CDH18: variants seen among roughly 807,000 people sequenced by gnomAD.
CDH18 encodes the protein cadherin 18, also known as cadherin-18.
Under a neutral mutation model 67.9 loss-of-function variants are expected in CDH18, and 31 were observed. That is an observed-to-expected ratio of 0.46 (90% CI 0.34 to 0.62). The LOEUF (loss-of-function observed/expected upper bound fraction) is 0.62, where lower values mean the gene tolerates loss of function less well. CDH18 is among the 20% of genes least tolerant of loss of function. The probability of loss-of-function intolerance (pLI) is 0.01; values close to 1 mark genes in which losing one functional copy is unlikely to be tolerated. For missense variants in CDH18, 890 were observed against 975.5 expected, an observed-to-expected ratio of 0.91 and a Z score of 1.17; for synonymous variants, 362 against 347.2, an observed-to-expected ratio of 1.04 and a Z score of -0.48.
intron 2 of CDH18, among the ~76,000 whole-genome samples, chr5:19,954,293 C>G (rs916083155): frequency 6.6e-5 from 10 of 151,940 alleles, no homozygotes; most frequent in Non-Finnish European, 7.4e-5. Flanking sequence ...AAAACAGTAT[C>G]AAACTGTTTT....
At chr5:19,692,182 C>A (rs1049380869) in intron 5 of CDH18, among the ~76,000 whole-genome samples, 3 of 151,980 alleles carry the variant, frequency 2.0e-5, no homozygotes, top group African/African-American at 7.2e-5. Context: ...TATCCATATG[C>A]AGAAGAATGA....
At chr5:20,519,942 CTTTTTTTTTTTTTTTTT>C (rs777265512) in intron 1 of CDH18, among the ~76,000 whole-genome samples, 33 of 41,678 alleles carry the variant, frequency 7.9e-4, no homozygotes, top group East Asian at 5.0e-3. Context: ...ACAGTCTTGG[CTTTTTTTTTTTTTTTTT>C]TTTTTTTTTT....
chr5:19,928,828 C>T (rs1055719530), intron 2 of CDH18, among the ~76,000 whole-genome samples: 10 of 152,104 alleles, frequency 6.6e-5, no homozygotes, highest in Admixed American at 4.6e-4. Flanking sequence ...AAGCTCTTCA[C>T]ATATGTTATC....
chr5:20,099,724 T>C (rs1746293912), intron 2 of CDH18, among the ~76,000 whole-genome samples: 1 of 152,126 alleles, frequency 6.6e-6, no homozygotes, highest in African/African-American at 2.4e-5. Flanking sequence ...ATTGACTGAG[T>C]GTGTCTATTA....
chr5:20,440,721 G>T (rs1749542416), intron 1 of CDH18, among the ~76,000 whole-genome samples: 1 of 151,904 alleles, frequency 6.6e-6, no homozygotes, highest in African/African-American at 2.4e-5. Context: ...AAAGTATGTT[G>T]TTGTTGGAAA....
intron 2 of CDH18, among the ~76,000 whole-genome samples, chr5:20,201,711 G>A (rs1414547435): frequency 6.6e-6 from 1 of 152,092 alleles, no homozygotes; most frequent in African/African-American, 2.4e-5. Flanking sequence ...AATCTGTTAA[G>A]CAAGTAAGAT....
At chr5:20,228,883 C>A (rs1266131192) in intron 2 of CDH18, among the ~76,000 whole-genome samples, 1 of 152,068 alleles carries the variant, frequency 6.6e-6, no homozygotes, top group Non-Finnish European at 1.5e-5. Flanking sequence ...ATATCCTCTT[C>A]TTGACAGCAA....
chr5:19,567,019 C>T (rs982710029), intron 8 of CDH18, among the ~76,000 whole-genome samples: 1 of 151,888 alleles, frequency 6.6e-6, no homozygotes, highest in African/African-American at 2.4e-5. Flanking sequence ...TATGTAGGAG[C>T]TAAAATTAGA....
intron 8 of CDH18, 110 bp downstream of exon 8, chr5:19,571,469 T>C (rs1741373099): frequency 1.2e-5 from 12 of 1,000,676 alleles, no homozygotes; most frequent in Non-Finnish European, 1.6e-5. Flanking sequence ...ATTATATTCG[T>C]AGAAAACAAC....
chr5:19,835,888 G>A (rs897130405), intron 3 of CDH18, among the ~76,000 whole-genome samples: 1 of 152,080 alleles, frequency 6.6e-6, no homozygotes, highest in Admixed American at 6.6e-5. Flanking sequence ...TCACAGAACC[G>A]CCACAAACCT....
chr5:19,811,195 G>A lies in CDH18; in HGVS notation c.228+27564C>T, dbSNP rs566289550. Among the ~76,000 whole-genome samples, 8 of 126,190 alleles carry A rather than the reference G, an allele frequency of 6.3e-5. No individual in the cohort carries two copies. The East Asian group carries it at 1.4e-3, about 22-fold the overall frequency. The allele number at this position is 126,190 out of a possible 152,430, so 82.8% of individuals were successfully genotyped here. On this transcript the variant is annotated intron_variant, in intron 3 of 12. Transcript: ENST00000382275. ...GAAAGAGAAGAAAGAGGGAGAGAAA[G>A]AAGGAAGGAAGGAAGGAAGGAAAGA... is the stretch of plus-strand genomic sequence containing the variant.
intron 2 of CDH18, among the ~76,000 whole-genome samples, chr5:20,144,834 G>C (rs1188061711): frequency 1.3e-5 from 2 of 152,106 alleles, no homozygotes; most frequent in Non-Finnish European, 2.9e-5. Context: ...AGATGACTGG[G>C]ATTCTTATAA....
chr5:20,028,285 TTTAGC>T (rs1490022433), intron 2 of CDH18, among the ~76,000 whole-genome samples: 1 of 152,266 alleles, frequency 6.6e-6, no homozygotes, highest in African/African-American at 2.4e-5. Context: ...CATTAAATTG[TTTAGC>T]TTATTTTCCA....
At chr5:20,155,864 G>C (rs1051119164) in intron 2 of CDH18, among the ~76,000 whole-genome samples, 1 of 152,036 alleles carries the variant, frequency 6.6e-6, no homozygotes, top group African/African-American at 2.4e-5. Flanking sequence ...TGTTGATTTT[G>C]TCAAAGATCC....
intron 2 of CDH18, among the ~76,000 whole-genome samples, chr5:20,067,374 CT>C (rs1453303681): frequency 6.6e-6 from 1 of 151,324 alleles, no homozygotes; most frequent in African/African-American, 2.4e-5. Context: ...ATTATTTGGT[CT>C]TTTGCTGTAT....
intron 7 of CDH18, among the ~76,000 whole-genome samples, chr5:19,573,360 G>T (rs1311224299): frequency 6.7e-6 from 1 of 149,752 alleles, no homozygotes; most frequent in Non-Finnish European, 1.5e-5. Context: ...CTCACTGCAA[G>T]CTCCGTCTCC....
intron 2 of CDH18, among the ~76,000 whole-genome samples, chr5:20,122,362 G>T (rs1748431236): frequency 6.6e-6 from 1 of 151,670 alleles, no homozygotes; most frequent in Non-Finnish European, 1.5e-5. Flanking sequence ...ATATGTGAAT[G>T]CTATTTAGGA....
At chr5:20,368,201 T>C (rs1742680407) in intron 1 of CDH18, among the ~76,000 whole-genome samples, 1 of 152,194 alleles carries the variant, frequency 6.6e-6, no homozygotes, top group Admixed American at 6.5e-5. Flanking sequence ...AGAGCTTCAG[T>C]AGTATAAAAT....
intron 1 of CDH18, among the ~76,000 whole-genome samples, chr5:20,428,898 G>C (rs903565529): frequency 6.6e-6 from 1 of 152,100 alleles, no homozygotes; most frequent in African/African-American, 2.4e-5. Flanking sequence ...GACCATTAGT[G>C]AATTTCCCAT....
Sources: gnomAD v4.1 joint callset for allele counts (sites outside exome capture counted in the v4.1 genomes callset) on GRCh38, gnomAD v4.1.1 for gene constraint, MANE v1.5 for transcripts, NCBI Gene and HGNC (gene_info 2026-07-23, HGNC 2026-07-21) for gene names.